Variants in LRRC4C observed in about 807,000 individuals in gnomAD.
The protein encoded by LRRC4C is leucine rich repeat containing 4C, also known as leucine-rich repeat-containing protein 4C.
In LRRC4C, 5 loss-of-function variants were observed where a neutral mutation model predicts 33.6. That is an observed-to-expected ratio of 0.15 (90% CI 0.08 to 0.31). LRRC4C has a LOEUF of 0.31. Among genes scored for constraint, LRRC4C ranks in the 10% least tolerant of loss-of-function variants. The pLI is 1.00. For missense variants in LRRC4C, 560 were observed against 796.7 expected, an observed-to-expected ratio of 0.70 and a Z score of 3.58; for synonymous variants, 329 against 302.0, an observed-to-expected ratio of 1.09 and a Z score of -0.93.
At chr11:40,431,394 CAAA>C (rs572317927) in intron 3 of LRRC4C, among the ~76,000 whole-genome samples, 3 of 125,386 alleles carry the variant, frequency 2.4e-5, no homozygotes, top group African/African-American at 6.1e-5. Flanking sequence ...GACTCTGTCT[CAAA>C]AAAAAAAAAA....
intron 2 of LRRC4C, among the ~76,000 whole-genome samples, chr11:40,729,208 T>G (rs1003827776): frequency 6.6e-6 from 1 of 152,222 alleles, no homozygotes; most frequent in Non-Finnish European, 1.5e-5. Context: ...TAATTATTGT[T>G]GGCATATTTT....
At chr11:40,368,124 G>T (rs184850625) in intron 3 of LRRC4C, among the ~76,000 whole-genome samples, 1 of 151,888 alleles carries the variant, frequency 6.6e-6, no homozygotes, top group African/African-American at 2.4e-5. Context: ...TTATAAAGTG[G>T]GATAAATATA....
At chr11:40,459,894 C>T (rs1952311656) in intron 3 of LRRC4C, among the ~76,000 whole-genome samples, 1 of 152,168 alleles carries the variant, frequency 6.6e-6, no homozygotes, top group Non-Finnish European at 1.5e-5. Flanking sequence ...GAAACACATC[C>T]ATGATGCAGC....
chr11:40,247,656 C>T (rs61911075), intron 4 of LRRC4C, among the ~76,000 whole-genome samples: 113,851 of 151,764 alleles, frequency 0.75, 46,405 homozygotes, highest in East Asian at 0.95. Flanking sequence ...TTACTCTCTG[C>T]TTTTTGTGTG....
intron 3 of LRRC4C, among the ~76,000 whole-genome samples, chr11:40,375,358 C>A (rs1275461194): frequency 6.6e-6 from 1 of 152,164 alleles, no homozygotes; most frequent in Non-Finnish European, 1.5e-5. Context: ...GAAAATGAAT[C>A]TTCTCTTTAA....
chr11:41,044,250 G>A (rs184855697), intron 1 of LRRC4C, among the ~76,000 whole-genome samples: 118 of 152,176 alleles, frequency 7.8e-4, no homozygotes, highest in African/African-American at 2.2e-3. Flanking sequence ...ACTTCGAACC[G>A]TGTCACAGTG....
intron 1 of LRRC4C, among the ~76,000 whole-genome samples, chr11:41,443,680 A>G (rs1024454172): frequency 6.7e-6 from 1 of 149,462 alleles, no homozygotes; most frequent in Non-Finnish European, 1.5e-5. Context: ...CAATGGTGCA[A>G]TCTCAGCTCA....
chr11:40,287,523 A>G (rs1943926963), intron 4 of LRRC4C, among the ~76,000 whole-genome samples: 1 of 152,064 alleles, frequency 6.6e-6, no homozygotes, highest in Non-Finnish European at 1.5e-5. Flanking sequence ...ACATAACAAA[A>G]CCTTTGCATT....
intron 2 of LRRC4C, among the ~76,000 whole-genome samples, chr11:40,836,953 G>A (rs1487654069): frequency 6.6e-6 from 1 of 152,090 alleles, no homozygotes; most frequent in Non-Finnish European, 1.5e-5. Flanking sequence ...AGGGCTTTAT[G>A]TTATGGCATC....
chr11:41,226,228 G>T (rs1947528278), intron 1 of LRRC4C, among the ~76,000 whole-genome samples: 1 of 152,066 alleles, frequency 6.6e-6, no homozygotes, highest in South Asian at 2.1e-4. Context: ...TCTGAGATGA[G>T]TGTAGTGATT....
At chr11:40,253,256 T>C (rs1866927539) in intron 4 of LRRC4C, among the ~76,000 whole-genome samples, 3 of 152,230 alleles carry the variant, frequency 2.0e-5, no homozygotes, top group African/African-American at 7.2e-5. Flanking sequence ...CTTTGAAGTA[T>C]GTTTGACTTT....
At chr11:40,215,307 T>C (rs1478965929) in intron 5 of LRRC4C, among the ~76,000 whole-genome samples, 3 of 152,158 alleles carry the variant, frequency 2.0e-5, no homozygotes, top group Non-Finnish European at 1.5e-5. Flanking sequence ...AGCTAATCAG[T>C]AGCAAAGGCA....
intron 4 of LRRC4C, among the ~76,000 whole-genome samples, chr11:40,249,546 TAATA>T (rs1866610456): frequency 6.7e-6 from 1 of 149,606 alleles, no homozygotes; most frequent in Non-Finnish European, 1.5e-5. Flanking sequence ...TTTGTATATT[TAATA>T]AATATTATAT....
chr11:41,254,298 A>G (rs1948732682), intron 1 of LRRC4C, among the ~76,000 whole-genome samples: 1 of 151,956 alleles, frequency 6.6e-6, no homozygotes, highest in South Asian at 2.1e-4. Flanking sequence ...CATCACCTTC[A>G]TTTTTCAAAG....
intron 3 of LRRC4C, among the ~76,000 whole-genome samples, chr11:40,450,289 T>G (rs549910757): frequency 6.6e-6 from 1 of 152,296 alleles, no homozygotes; most frequent in Non-Finnish European, 1.5e-5. Context: ...AGGCAACATA[T>G]TTTGTGTTTA....
chr11:40,438,316 TA>T (rs1951231423), intron 3 of LRRC4C, among the ~76,000 whole-genome samples: 1 of 152,170 alleles, frequency 6.6e-6, no homozygotes, highest in East Asian at 1.9e-4. Flanking sequence ...CCTTAAAAAA[TA>T]AAAACAAAAA....
intron 2 of LRRC4C, among the ~76,000 whole-genome samples, chr11:40,787,428 G>A (rs1401270025): frequency 2.0e-5 from 3 of 152,074 alleles, no homozygotes; most frequent in Non-Finnish European, 2.9e-5. Context: ...GCGACTATGC[G>A]AAAAAGAACT....
At chr11:40,259,611 G>T (rs1242673323) in intron 4 of LRRC4C, among the ~76,000 whole-genome samples, 1 of 152,164 alleles carries the variant, frequency 6.6e-6, no homozygotes, top group African/African-American at 2.4e-5. Context: ...AAGGGATCCA[G>T]TTTCAGCTTT....
chr11:41,417,980 A>G (rs2138289995), intron 1 of LRRC4C, among the ~76,000 whole-genome samples: 1 of 151,496 alleles, frequency 6.6e-6, no homozygotes. Context: ...ATATACGTGT[A>G]TATATATACA....
Sources: gnomAD v4.1 joint callset for allele counts (sites outside exome capture counted in the v4.1 genomes callset) on GRCh38, gnomAD v4.1.1 for gene constraint, MANE v1.5 for transcripts, NCBI Gene and HGNC (gene_info 2026-07-23, HGNC 2026-07-21) for gene names.